Variants in ANTXRL observed in about 807,000 individuals in gnomAD.
ANTXRL encodes anthrax toxin receptor-like.
ANTXRL carries 63 observed loss-of-function variants against 75.4 expected under a neutral mutation model. The ratio of observed to expected loss-of-function variants is 0.84; its 90% CI spans 0.68 to 1.03. The LOEUF (loss-of-function observed/expected upper bound fraction) is 1.03, where lower values mean the gene tolerates loss of function less well. Among genes scored for constraint, ANTXRL ranks in the 50% least tolerant of loss-of-function variants. ANTXRL has a pLI of 0.00. For synonymous variants in ANTXRL, 335 were observed against 291.3 expected (o/e 1.15, Z -1.53); for missense variants, 797 against 789.4 (o/e 1.01, Z -0.12).
chr10:46,293,728 C>G, intron 2 of ANTXRL, 101 bp from the exon 3 acceptor site: 1 of 986,182 alleles, frequency 1.0e-6, no homozygotes, highest in Non-Finnish European at 1.5e-6. Context: ...CAAGGGGCTC[C>G]AAAGCGGAAG....
At chr10:46,308,400 CTTCCCT>C in intron 12 of ANTXRL, 1 of 325,768 alleles carries the variant, frequency 3.1e-6, no homozygotes, top group South Asian at 2.2e-5. Context: ...GCCCCTGCCC[CTTCCCT>C]CCCCTCCCCT....
In ANTXRL at chr10:46,307,404, A is replaced by T. The variant is rs1188113152; in HGVS notation, c.968A>T (p.Glu323Val). ...CATCTGCATTTTCTATGCTTTAGGG[A>T]GTACTCTATTGAAGTCAGCTTGAAC... ...PGPKLEKPGE[E>V]YSIEVSLNKG... The change falls in exon 12 of 17, where the codon GAG becomes GTG. Residue 323 changes from glutamate (E) to valine (V), a missense_variant and splice_region_variant. This residue lies in a region of ANTXRL where 479 missense variants were observed against 422.0 expected (regional missense o/e 1.14). Coordinates refer to ENST00000620264, the MANE Select transcript of ANTXRL (RefSeq NM_001278688.3). The T allele has an allele frequency of 3.9e-6, 6 of 1,535,034 alleles. No individual in the cohort carries two copies. In the African/African-American group the frequency reaches 6.9e-5, roughly 18 times the overall value.
At chr10:46,302,872 C>G in intron 10 of ANTXRL, 52 bp downstream of exon 10, 17 of 1,353,092 alleles carry the variant, frequency 1.3e-5, no homozygotes, top group Non-Finnish European at 1.7e-5. Flanking sequence ...CACAATGCTG[C>G]CTTTCCCCAC....
intron 3 of ANTXRL, among the ~76,000 whole-genome samples, chr10:46,295,703 G>T (rs1485427537): frequency 6.6e-6 from 1 of 152,086 alleles, no homozygotes; most frequent in Non-Finnish European, 1.5e-5. Flanking sequence ...TTAGGTTTAG[G>T]AAAGTCAGCC....
chr10:46,286,832 G>T (rs1393986663), upstream of ANTXRL, among the ~76,000 whole-genome samples: 1 of 152,080 alleles, frequency 6.6e-6, no homozygotes, highest in Non-Finnish European at 1.5e-5. Context: ...CAAACAGCAG[G>T]GTCTAGTGGT....
At chr10:46,317,464 T>C (rs1838789269) in intron 16 of ANTXRL, among the ~76,000 whole-genome samples, 1 of 152,180 alleles carries the variant, frequency 6.6e-6, no homozygotes, top group Non-Finnish European at 1.5e-5. Flanking sequence ...CAGACGGGCC[T>C]TAGGATGCAT....
chr10:46,315,064 T>C (rs1354141945), intron 16 of ANTXRL, among the ~76,000 whole-genome samples: 18 of 152,210 alleles, frequency 1.2e-4, no homozygotes, highest in Non-Finnish European at 2.1e-4. Context: ...CGTTCTCCTC[T>C]TTAAGCCTTC....
chr10:46,314,042 T>G (rs1838584136), intron 16 of ANTXRL, among the ~76,000 whole-genome samples: 1 of 152,106 alleles, frequency 6.6e-6, no homozygotes, highest in African/African-American at 2.4e-5. Flanking sequence ...AGTCCAGCCC[T>G]TTGCACCTGG....
rs782225586 is a variant in ANTXRL, at chr10:46,309,147, T to C, written c.1079T>C (p.Leu360Pro). 1.3e-4 allele frequency: 193 copies of C among 1,535,578 alleles called. 1 individual carries two copies. The highest frequency in any genetic ancestry group is 1.6e-4 in the Non-Finnish European group (187 of 1,146,638). The change falls in exon 13 of 17, where the codon CTC (leucine) becomes CCC (proline). Residue 360 changes from leucine to proline, a missense_variant. Around this residue, in one of 3 missense-constraint regions of ANTXRL, gnomAD observed 479 missense variants for 422.0 expected, o/e 1.14. Transcript: ENST00000620264. The part of the protein sequence containing the change: ...IFRNWLYFVP[L>P]LLLVPLLLCC... ...CGCAACTGGCTCTATTTTGTGCCACTCCTGCTGCTTGTGCCACTGCTGCTG... is the reference window on the plus strand; with the variant it reads ...CGCAACTGGCTCTATTTTGTGCCACCCCTGCTGCTTGTGCCACTGCTGCTG...
intron 10 of ANTXRL, among the ~76,000 whole-genome samples, chr10:46,305,064 T>C (rs1446996590): frequency 1.3e-5 from 2 of 152,156 alleles, no homozygotes; most frequent in African/African-American, 4.8e-5. Flanking sequence ...TTTAAAATAA[T>C]TGAGAACAAC....
intron 14 of ANTXRL, 88 bp downstream of exon 14, chr10:46,310,587 A>G: frequency 7.4e-7 from 1 of 1,350,348 alleles, no homozygotes. Context: ...GCGCCCCATG[A>G]TCTCCATCTG....
rs369117720 is a variant in ANTXRL at position 46,309,830 on chromosome 10, C to T, written c.1134+628C>T. 1.1e-4 allele frequency among the ~76,000 whole-genome samples: 16 copies of T among 152,262 alleles called. No homozygotes were observed. In the East Asian group the frequency reaches 2.7e-3, roughly 26 times the overall value. On this transcript the variant is annotated intron_variant, in intron 13 of 16. Coordinates refer to ENST00000620264, the MANE Select transcript of ANTXRL (RefSeq NM_001278688.3). Reference sequence around the variant, plus strand: ...CCTGTCATGGCTGAGGGTGAAATGTCCACCCCACAGGAGTGGGAAGGGCTC... The same window carrying T: ...CCTGTCATGGCTGAGGGTGAAATGTTCACCCCACAGGAGTGGGAAGGGCTC...
At chr10:46,296,436 G>A (rs1554958721) in intron 5 of ANTXRL, among the ~76,000 whole-genome samples, 184 bp downstream of exon 5, 1 of 152,178 alleles carries the variant, frequency 6.6e-6, no homozygotes, top group Non-Finnish European at 1.5e-5. Flanking sequence ...CTCACCCCAT[G>A]GAGTTCTGAG....
chr10:46,306,926 GGC>G (rs1838129091), intron 11 of ANTXRL, 54 bp downstream of exon 11: 1 of 1,407,404 alleles, frequency 7.1e-7, no homozygotes, highest in African/African-American at 1.5e-5. Flanking sequence ...GTCAGGGTTG[GGC>G]ACCTTGAGGT....
chr10:46,314,035 C>T (rs1838583842), intron 16 of ANTXRL, among the ~76,000 whole-genome samples: 1 of 152,168 alleles, frequency 6.6e-6, no homozygotes, highest in Non-Finnish European at 1.5e-5. Context: ...CTCCCACAGT[C>T]CAGCCCTTTG....
At chr10:46,314,072 G>A (rs1838585444) in intron 16 of ANTXRL, among the ~76,000 whole-genome samples, 1 of 152,188 alleles carries the variant, frequency 6.6e-6, no homozygotes, top group African/African-American at 2.4e-5. Context: ...TCATCACCAG[G>A]GTTTATAGAG....
intron 16 of ANTXRL, among the ~76,000 whole-genome samples, chr10:46,320,988 T>C (rs1478766701): frequency 2.0e-5 from 3 of 152,156 alleles, no homozygotes; most frequent in African/African-American, 7.2e-5. Context: ...TTGGTAACAA[T>C]CAGGTTATTA....
intron 10 of ANTXRL, among the ~76,000 whole-genome samples, chr10:46,304,251 A>G (rs1257740620): frequency 3.3e-5 from 5 of 152,168 alleles, no homozygotes; most frequent in Non-Finnish European, 5.9e-5. Context: ...AAGTCTTTGT[A>G]TGTGTCAATC....
chr10:46,312,160 G>A (rs1471727265), intron 15 of ANTXRL, among the ~76,000 whole-genome samples: 1 of 150,624 alleles, frequency 6.6e-6, no homozygotes, highest in Non-Finnish European at 1.5e-5. Flanking sequence ...GCCAGCCCGG[G>A]CAGCAGAATC....
Sources: gnomAD v4.1 joint callset for allele counts (sites outside exome capture counted in the v4.1 genomes callset) on GRCh38, gnomAD v4.1.1 for gene constraint, gnomAD v4.1.1 regional missense constraint, MANE v1.5 for transcripts, NCBI Gene and HGNC (gene_info 2026-07-23, HGNC 2026-07-21) for gene names.